TJP2: variants seen among roughly 807,000 people sequenced by gnomAD.
TJP2 encodes the protein tight junction protein 2.
TJP2 carries 91 observed loss-of-function variants against 133.1 expected under a neutral mutation model. The ratio of observed to expected loss-of-function variants is 0.68; its 90% CI spans 0.58 to 0.81. The LOEUF (loss-of-function observed/expected upper bound fraction) is 0.81, where lower values mean the gene tolerates loss of function less well. Ranked by LOEUF, TJP2 falls within the 40% of genes least tolerant of loss-of-function variation. TJP2 has a pLI of 0.00. For missense variants in TJP2, 1,541 were observed against 1,565.6 expected (o/e 0.98, Z 0.26); for synonymous variants, 592 against 583.4 (o/e 1.01, Z -0.21).
intron 2 of TJP2, among the ~76,000 whole-genome samples, chr9:69,154,468 T>C (rs1020681360): frequency 1.3e-5 from 2 of 152,198 alleles, no homozygotes; most frequent in African/African-American, 4.8e-5. Flanking sequence ...GCTGGATTTT[T>C]GCAACTTTAA....
At chr9:69,173,783 T>C (rs1398293220), upstream of TJP2, among the ~76,000 whole-genome samples, 1 of 152,096 alleles carries the variant, frequency 6.6e-6, no homozygotes, top group African/African-American at 2.4e-5. Context: ...CCAAAAAGTC[T>C]TCCTACAGGA....
intron 2 of TJP2, among the ~76,000 whole-genome samples, chr9:69,215,170 C>T (rs1038862156): frequency 3.9e-5 from 6 of 152,050 alleles, no homozygotes; most frequent in African/African-American, 1.4e-4. Context: ...TCCAAAAGTA[C>T]GGAGGGAGGG....
At chr9:69,180,314 C>T (rs1168497766) in intron 1 of TJP2, among the ~76,000 whole-genome samples, 1 of 152,176 alleles carries the variant, frequency 6.6e-6, no homozygotes, top group Non-Finnish European at 1.5e-5. Flanking sequence ...GAGAACATTG[C>T]AGATACTTTG....
chr9:69,141,459 CT>C (rs947290642), intron 1 of TJP2, among the ~76,000 whole-genome samples: 1 of 151,008 alleles, frequency 6.6e-6, no homozygotes, highest in African/African-American at 2.4e-5. Flanking sequence ...GCCAGCCTGT[CT>C]TTCAGTCTCA....
At chr9:69,169,897 A>G (rs1587956776), upstream of TJP2, among the ~76,000 whole-genome samples, 1 of 152,286 alleles carries the variant, frequency 6.6e-6, no homozygotes, top group East Asian at 1.9e-4. Context: ...GCTGCAGTAT[A>G]GTGGTGCAGT....
chr9:69,131,598 G>A (rs762263718), intron 1 of TJP2, among the ~76,000 whole-genome samples: 1 of 152,204 alleles, frequency 6.6e-6, no homozygotes, highest in Non-Finnish European at 1.5e-5. Flanking sequence ...ATCATTTGGG[G>A]CATCTGTTGT....
chr9:69,147,006 A>G (rs1160573747), intron 1 of TJP2, among the ~76,000 whole-genome samples: 1 of 152,114 alleles, frequency 6.6e-6, no homozygotes, highest in Non-Finnish European at 1.5e-5. Context: ...TTTTAATTAT[A>G]TTATTGTTAT....
chr9:69,216,632 T>G (rs1218299744), intron 3 of TJP2, among the ~76,000 whole-genome samples, 169 bp downstream of exon 3: 1 of 149,962 alleles, frequency 6.7e-6, no homozygotes, highest in East Asian at 1.9e-4. Context: ...ACACCATGTT[T>G]GAATAATGCC....
At chr9:69,129,739 C>T (rs945668236) in intron 1 of TJP2, among the ~76,000 whole-genome samples, 1 of 151,820 alleles carries the variant, frequency 6.6e-6, no homozygotes, top group Non-Finnish European at 1.5e-5. Flanking sequence ...GAGTTCGAGA[C>T]CAAAGCCAGG....
chr9:69,184,751 T>C (rs1280547383), intron 1 of TJP2, among the ~76,000 whole-genome samples: 2 of 119,980 alleles, frequency 1.7e-5, no homozygotes, highest in South Asian at 2.7e-4. Flanking sequence ...CTCTCTCTCT[T>C]CTTTTTTTTT....
intron 16 of TJP2, among the ~76,000 whole-genome samples, chr9:69,239,103 C>T (rs1057381162): frequency 2.0e-5 from 3 of 152,114 alleles, no homozygotes; most frequent in Admixed American, 6.5e-5. Context: ...GCAGGAGAAT[C>T]GCTTGAACTC....
At chr9:69,212,513 G>A (rs1588069945) in intron 1 of TJP2, 35 bp from the exon 2 acceptor site, 4 of 1,544,798 alleles carry the variant, frequency 2.6e-6, no homozygotes, top group Non-Finnish European at 1.8e-6. Context: ...AAAGGTTGTG[G>A]TTTTCATCAG....
chr9:69,147,048 G>A (rs1277714706), intron 1 of TJP2, among the ~76,000 whole-genome samples: 1 of 152,214 alleles, frequency 6.6e-6, no homozygotes, highest in Non-Finnish European at 1.5e-5. Context: ...GTAAATGGAA[G>A]TGTGTATATG....
At position 69,227,789 on chromosome 9, in the gene TJP2, G is replaced by A. The variant is rs748959984; in HGVS notation, c.1235G>A (p.Arg412Gln). 4.3e-6 allele frequency: 7 copies of A among 1,611,532 alleles called. No individual in the cohort carries two copies. Among genetic ancestry groups the A allele is most frequent in the Admixed American group, 1.7e-5 (1 of 59,956 alleles). The change falls in exon 8 of 23, where the codon CGA (arginine) becomes CAA (glutamine). Residue 412 changes from arginine to glutamine, a missense_variant. Physicochemically the swap from Arg to Gln is conservative, Grantham distance 43. Coordinates refer to ENST00000377245, the MANE Select transcript of TJP2 (RefSeq NM_004817.4). ...GATATTTCAGAAATAGAGTCAAACC[G>A]ATCATTTTCTCCAGAGGAGAGACGT... ...IEDISEIESN[R>Q]SFSPEERRHQ...
At chr9:69,143,379 T>C (rs1564377436) in intron 1 of TJP2, among the ~76,000 whole-genome samples, 1 of 152,236 alleles carries the variant, frequency 6.6e-6, no homozygotes, top group African/African-American at 2.4e-5. Flanking sequence ...TTTAGAGTGT[T>C]GTATAGTAAT....
At chr9:69,191,971 CA>C (rs1475041885) in intron 1 of TJP2, among the ~76,000 whole-genome samples, 2 of 151,940 alleles carry the variant, frequency 1.3e-5, no homozygotes, top group African/African-American at 4.8e-5. Flanking sequence ...CTCCTAACCT[CA>C]GGTGATCCAC....
In TJP2 at chr9:69,246,745, T is replaced by C; in HGVS notation, c.2622T>C (p.Thr874=). ...GCTGGTTTGGCAGCTTAAAGGACACTATTCAGCATCAGCAAGGAGAAGCGG... is the reference window on the plus strand; with the variant it reads ...GCTGGTTTGGCAGCTTAAAGGACACCATTCAGCATCAGCAAGGAGAAGCGG... ...NDSWFGSLKD[T]IQHQQGEAVW... Residue 874 remains threonine (T), a synonymous_variant, in exon 18 of 23, where the codon ACT becomes ACC. Transcript: ENST00000377245. The C allele has an allele frequency of 6.2e-7, 1 of 1,614,120 alleles. No homozygotes were observed. The highest frequency in any genetic ancestry group is 8.5e-7 in the Non-Finnish European group (1 of 1,180,004).
At chr9:69,239,834 A>G (rs1830462527) in intron 16 of TJP2, 103 bp from the exon 17 acceptor site, 14 of 1,005,056 alleles carry the variant, frequency 1.4e-5, no homozygotes, top group Middle Eastern at 2.1e-4. Flanking sequence ...ACAAACAAAC[A>G]AACAAGATAT....
chr9:69,146,522 C>A (rs140760676), intron 1 of TJP2, among the ~76,000 whole-genome samples: 368 of 152,206 alleles, frequency 2.4e-3, no homozygotes, highest in African/African-American at 8.6e-3. Context: ...TTCTTTTTAA[C>A]AATTAGATAG....
Sources: gnomAD v4.1 joint callset for allele counts (sites outside exome capture counted in the v4.1 genomes callset) on GRCh38, gnomAD v4.1.1 for gene constraint, MANE v1.5 for transcripts, NCBI Gene and HGNC (gene_info 2026-07-23, HGNC 2026-07-21) for gene names.